Variants in ANKRD11 observed in about 807,000 individuals in gnomAD.
The protein encoded by ANKRD11 is ankyrin repeat domain 11, also known as ankyrin repeat domain-containing protein 11.
In ANKRD11, 17 loss-of-function variants were observed where a neutral mutation model predicts 195.7. That is an observed-to-expected ratio of 0.09 (90% CI 0.06 to 0.13). The LOEUF is 0.13. Ranked by LOEUF, ANKRD11 falls within the 10% of genes least tolerant of loss-of-function variation. The probability of loss-of-function intolerance (pLI) is 1.00; values close to 1 mark genes in which losing one functional copy is unlikely to be tolerated. For missense variants in ANKRD11, 3,735 were observed against 3,566.1 expected (o/e 1.05, Z -1.21); for synonymous variants, 1,953 against 1,528.1 (o/e 1.28, Z -6.49).
At chr16:89,301,287 G>C (rs2041747889) in intron 4 of ANKRD11, 2 of 376,938 alleles carry the variant, frequency 5.3e-6, no homozygotes, top group Admixed American at 4.5e-5. Flanking sequence ...TTTAAGTTTT[G>C]GGAAACCTTA....
chr16:89,362,761 C>T (rs1283620521), intron 2 of ANKRD11, among the ~76,000 whole-genome samples: 1 of 152,196 alleles, frequency 6.6e-6, no homozygotes, highest in East Asian at 1.9e-4. Context: ...TCGAAGCAAG[C>T]ATTAGGTCAC....
In ANKRD11 at chr16:89,280,956, G is replaced by A. The variant is rs772818159; in HGVS notation, c.5586C>T (p.Val1862=). 3.9e-5 allele frequency: 61 copies of A among 1,572,948 alleles called. 1 individual carries two copies. In the Admixed American group the frequency reaches 9.5e-4, roughly 25 times the overall value. ...CAGCCGGTGGGCAGTGCAAAGCGTCGACTTTGGGCGACGGGAGGCCATAGT... is the reference window on the plus strand; with the variant it reads ...CAGCCGGTGGGCAGTGCAAAGCGTCAACTTTGGGCGACGGGAGGCCATAGT... ...SPDYGLPSPK[V]DALHCPPAAV... Residue 1862 remains valine, a synonymous_variant, in exon 9 of 13, where the codon GTC becomes GTT. Coordinates refer to ENST00000301030, the MANE Select transcript of ANKRD11 (RefSeq NM_013275.6).
chr16:89,381,826 G>A (rs563271429), intron 2 of ANKRD11, among the ~76,000 whole-genome samples: 1 of 152,338 alleles, frequency 6.6e-6, no homozygotes, highest in Admixed American at 6.5e-5. Flanking sequence ...GGGGGAAGAG[G>A]TAGAGGTCAG....
chr16:89,397,909 G>A (rs2041516197), intron 2 of ANKRD11, among the ~76,000 whole-genome samples: 2 of 152,208 alleles, frequency 1.3e-5, no homozygotes, highest in South Asian at 2.1e-4. Context: ...GTCAAAGCAG[G>A]TGCCTCGGGT....
intron 2 of ANKRD11, among the ~76,000 whole-genome samples, chr16:89,404,636 T>C (rs1055118490): frequency 6.6e-6 from 1 of 152,196 alleles, no homozygotes; most frequent in African/African-American, 2.4e-5. Context: ...ACAGACGCAG[T>C]CACTACTATG....
chr16:89,490,423 C>T lies in ANKRD11; in HGVS notation c.-323G>A. Reference sequence around the variant, plus strand: ...GACGGCGGGAGGCGAGCCCGCCCCTCGGGCGCGCCCACGGCTCGGGCGAGA... The same window carrying T: ...GACGGCGGGAGGCGAGCCCGCCCCTTGGGCGCGCCCACGGCTCGGGCGAGA... On this transcript the variant is annotated 5_prime_UTR_variant, in exon 1 of 13. Coordinates refer to ENST00000301030, the MANE Select transcript of ANKRD11 (RefSeq NM_013275.6). 3.2e-6 allele frequency: 1 copy of T among 312,492 alleles called. No individual in the cohort carries two copies. Among genetic ancestry groups the T allele is most frequent in the Admixed American group, 5.1e-5 (1 of 19,664 alleles). 19.4% of individuals were successfully genotyped at this position (312,492 alleles called of 1,614,324 possible).
intron 12 of ANKRD11, chr16:89,270,588 C>A (rs1275420890): frequency 3.4e-6 from 2 of 580,836 alleles, no homozygotes; most frequent in Non-Finnish European, 6.2e-6. Flanking sequence ...ACAGGAGCCG[C>A]TCCCTGCACA....
intron 2 of ANKRD11, among the ~76,000 whole-genome samples, chr16:89,338,005 TC>T (rs2038460226): frequency 6.6e-6 from 1 of 152,100 alleles, no homozygotes; most frequent in Admixed American, 6.5e-5. Context: ...GTGACCTGCC[TC>T]CCACATCAGC....
intron 2 of ANKRD11, among the ~76,000 whole-genome samples, chr16:89,408,911 G>A (rs1302018333): frequency 6.6e-6 from 1 of 152,208 alleles, no homozygotes; most frequent in African/African-American, 2.4e-5. Context: ...ACAGACCTTA[G>A]GAGTTACTGG....
In ANKRD11 at chr16:89,486,287, A is replaced by T. The variant is rs117522648; in HGVS notation, c.-145+3958T>A. ...AGACCCTGTTTCTACAAAAAGTAAAATAAATTAGCTGGGCACGGCGGCACA... is the reference window on the plus strand; with the variant it reads ...AGACCCTGTTTCTACAAAAAGTAAATTAAATTAGCTGGGCACGGCGGCACA... On this transcript the variant is annotated intron_variant, in intron 1 of 12. Transcript: ENST00000301030. Among the ~76,000 whole-genome samples, 1,309 of 152,206 alleles carry T rather than the reference A, an allele frequency of 8.6e-3. 14 individuals are homozygous for T. The highest frequency in any genetic ancestry group is 0.048 in the South Asian group (230 of 4,824).
At chr16:89,333,611 C>G (rs187065311) in intron 2 of ANKRD11, among the ~76,000 whole-genome samples, 427 of 152,298 alleles carry the variant, frequency 2.8e-3, no homozygotes, top group African/African-American at 1.0e-2. Flanking sequence ...AGTCGGAACC[C>G]TACAGTGTGT....
intron 2 of ANKRD11, among the ~76,000 whole-genome samples, chr16:89,380,829 A>T (rs1460140765): frequency 6.6e-6 from 1 of 152,198 alleles, no homozygotes; most frequent in Non-Finnish European, 1.5e-5. Flanking sequence ...GGGAGGAAGG[A>T]GTGTGTGCAG....
chr16:89,285,625 G>A lies in ANKRD11; in HGVS notation c.917C>T (p.Pro306Leu), dbSNP rs1567583785. 2 of 1,614,048 alleles carry A rather than the reference G, an allele frequency of 1.2e-6. No individual in the cohort carries two copies. Among genetic ancestry groups the A allele is most frequent in the Non-Finnish European group, 1.7e-6 (2 of 1,180,038 alleles). ...GACTGAACTGGAAGGTGCGAAGGAT[G>A]GTGCGTCTTCCTCTTCTGAGCTCTC... is the stretch of plus-strand genomic sequence containing the variant. ...STESSEEEDA[P>L]SFAPSSSVDG... is the part of the protein sequence containing the mutation. The change falls in exon 9 of 13, where the codon CCA becomes CTA. Residue 306 changes from proline to leucine, a missense_variant. Coordinates refer to ENST00000301030, the MANE Select transcript of ANKRD11 (RefSeq NM_013275.6). This position sits in a 1 kb window ranked among gnomAD's most constrained non-coding sequence, Gnocchi z 5.6.
rs1567663044 is a variant in ANKRD11, at chr16:89,334,169, A to AAAAAC, written c.-59-17096_-59-17092dup. On this transcript the variant is annotated intron_variant, in intron 2 of 12. Coordinates refer to ENST00000301030, the MANE Select transcript of ANKRD11 (RefSeq NM_013275.6). ...TAAAAAAAAAAAAAAAAAAAAAAAA[A>AAAAAC]AAAACAGAGAGAGAGAGAAAGAAAG... Among the ~76,000 whole-genome samples, 6 of 107,290 alleles carry AAAAAC rather than the reference A, an allele frequency of 5.6e-5. 1 individual carries two copies. The highest frequency in any genetic ancestry group is 5.8e-5 in the Non-Finnish European group (3 of 51,346). The allele number at this position is 107,290 out of a possible 152,430, so 70.4% of individuals were successfully genotyped here.
At chr16:89,445,253 T>G (rs1354296517) in intron 1 of ANKRD11, among the ~76,000 whole-genome samples, 1 of 152,222 alleles carries the variant, frequency 6.6e-6, no homozygotes, top group African/African-American at 2.4e-5. Context: ...AATGTATTAG[T>G]AAGGGAAGGG....
chr16:89,350,140 G>A (rs1457348461), intron 2 of ANKRD11, among the ~76,000 whole-genome samples: 1 of 152,128 alleles, frequency 6.6e-6, no homozygotes, highest in Non-Finnish European at 1.5e-5. Flanking sequence ...AATTAAAACC[G>A]CAATTCACTA....
intron 1 of ANKRD11, among the ~76,000 whole-genome samples, chr16:89,462,988 C>T (rs529592265): frequency 6.0e-5 from 9 of 150,936 alleles, no homozygotes; most frequent in East Asian, 2.0e-4. Context: ...CCGCCCCGTC[C>T]GGGAGGGAGG....
chr16:89,338,301 C>T (rs2038479026), intron 2 of ANKRD11, among the ~76,000 whole-genome samples: 2 of 152,048 alleles, frequency 1.3e-5, no homozygotes, highest in African/African-American at 2.4e-5. Context: ...TTAGTCCCTC[C>T]CCTACCAAGC....
chr16:89,439,449 A>G (rs1461814252), intron 1 of ANKRD11, among the ~76,000 whole-genome samples: 1 of 152,252 alleles, frequency 6.6e-6, no homozygotes, highest in Non-Finnish European at 1.5e-5. Flanking sequence ...GTCAGGGACT[A>G]TCTGTATACA....
Sources: allele counts gnomAD v4.1 joint callset (sites outside exome capture counted in the v4.1 genomes callset), GRCh38; gene constraint gnomAD v4.1.1; non-coding constraint Gnocchi (gnomAD v3.1); transcripts MANE v1.5; gene names NCBI Gene and HGNC (gene_info 2026-07-23, HGNC 2026-07-21).